The following CPNE8 variants were observed in gnomAD, a reference collection of about 807,000 sequenced individuals.
CPNE8 encodes the protein copine-8.
A neutral mutation model predicts 81.5 loss-of-function variants in CPNE8; 45 were observed. That is an observed-to-expected ratio of 0.55 (90% CI 0.44 to 0.71). CPNE8 has a LOEUF of 0.71. CPNE8 is among the 30% of genes least tolerant of loss of function. The pLI is 0.00. For synonymous variants in CPNE8, 252 were observed against 226.3 expected, an observed-to-expected ratio of 1.11 and a Z score of -1.02; for missense variants, 594 against 672.1, an observed-to-expected ratio of 0.88 and a Z score of 1.28.
In CPNE8 at chr12:38,703,949, G is replaced by A. The variant is rs111727095; in HGVS notation, c.915-1028C>T. On this transcript the variant is annotated intron_variant, in intron 13 of 19. Transcript: ENST00000331366. ...AAAGAATAAAGTCATGCCCTTTGCA[G>A]CCAACTTGGATATAGCTGGAGGCCG... 8.8e-4 allele frequency among the ~76,000 whole-genome samples: 134 copies of A among 152,264 alleles called. 1 individual carries two copies. The highest frequency in any genetic ancestry group is 2.6e-3 in the African/African-American group (110 of 41,560).
chr12:38,814,990 T>G (rs1322547795), intron 6 of CPNE8, among the ~76,000 whole-genome samples: 1 of 152,240 alleles, frequency 6.6e-6, no homozygotes, highest in African/African-American at 2.4e-5. Context: ...TGATACTTTC[T>G]GCTTTGGTCA....
intron 10 of CPNE8, among the ~76,000 whole-genome samples, chr12:38,743,076 T>A (rs1264836390): frequency 6.6e-6 from 1 of 152,078 alleles, no homozygotes; most frequent in African/African-American, 2.4e-5. Flanking sequence ...ACAATTTAAC[T>A]GAAAATCTAA....
intron 16 of CPNE8, among the ~76,000 whole-genome samples, chr12:38,684,954 T>C (rs1939499432): frequency 6.6e-6 from 1 of 152,170 alleles, no homozygotes; most frequent in Non-Finnish European, 1.5e-5. Context: ...CTTGGAGTAA[T>C]AAGCAATTAT....
At chr12:38,677,326 A>C in intron 17 of CPNE8, 126 bp downstream of exon 17, 1 of 622,424 alleles carries the variant, frequency 1.6e-6, no homozygotes, top group Non-Finnish European at 2.9e-6. Context: ...GATAAGGTTA[A>C]GGATGCAATC....
intron 10 of CPNE8, among the ~76,000 whole-genome samples, chr12:38,746,199 A>T (rs1034283807): frequency 1.3e-5 from 2 of 152,210 alleles, no homozygotes; most frequent in Non-Finnish European, 2.9e-5. Flanking sequence ...ATTAAAAAAA[A>T]ACCCTTTTGA....
rs961306813 is a variant in CPNE8, at chr12:38,652,855, T to C, written c.*1027A>G. 1 of 152,658 alleles carries C rather than the reference T, an allele frequency of 6.6e-6. No individual in the cohort carries two copies. Among genetic ancestry groups the C allele is most frequent in the African/African-American group, 2.4e-5 (1 of 41,464 alleles). 9.5% of individuals were successfully genotyped at this position (152,658 alleles called of 1,614,324 possible). A position where few individuals can be genotyped will look rare whatever the true frequency, so the allele number is the denominator to read the frequency against. ...GTGCACTAAGTCACATAGTTGTATA[T>C]ATTTAACTGGGAATTTCACAAAAGA... is the stretch of plus-strand genomic sequence containing the variant. On this transcript the variant is annotated 3_prime_UTR_variant, in exon 20 of 20. Transcript: ENST00000331366.
intron 6 of CPNE8, among the ~76,000 whole-genome samples, chr12:38,805,697 A>G (rs562660803): frequency 1.2e-3 from 171 of 144,246 alleles, no homozygotes; most frequent in African/African-American, 4.0e-3. Context: ...AAAAAGAACT[A>G]GAAAAGCAAG....
At chr12:38,785,025 T>A (rs1942147305) in intron 6 of CPNE8, among the ~76,000 whole-genome samples, 1 of 151,852 alleles carries the variant, frequency 6.6e-6, no homozygotes, top group Non-Finnish European at 1.5e-5. Context: ...TGAAACCCCG[T>A]CTCTACTAAA....
chr12:38,870,554 A>G (rs901079354), intron 3 of CPNE8, among the ~76,000 whole-genome samples: 2 of 152,228 alleles, frequency 1.3e-5, no homozygotes, highest in African/African-American at 4.8e-5. Flanking sequence ...AGAAAACTAA[A>G]CACCACATGG....
chr12:38,865,886 G>A (rs77168396), intron 3 of CPNE8, among the ~76,000 whole-genome samples: 1 of 152,204 alleles, frequency 6.6e-6, no homozygotes, highest in Non-Finnish European at 1.5e-5. Flanking sequence ...GATATGCACA[G>A]AGCTAATAGA....
chr12:38,735,935 T>C (rs937961434), intron 10 of CPNE8, among the ~76,000 whole-genome samples: 88 of 151,980 alleles, frequency 5.8e-4, no homozygotes, highest in African/African-American at 2.0e-3. Flanking sequence ...GTAGAAGTGA[T>C]CATTTATCTC....
chr12:38,845,927 C>T (rs954612637), intron 4 of CPNE8, among the ~76,000 whole-genome samples: 2 of 152,094 alleles, frequency 1.3e-5, no homozygotes, highest in African/African-American at 2.4e-5. Context: ...CTGAAACTAA[C>T]AAAATACATG....
intron 19 of CPNE8, among the ~76,000 whole-genome samples, chr12:38,669,950 T>C (rs1939135900): frequency 6.6e-6 from 1 of 152,112 alleles, no homozygotes; most frequent in Non-Finnish European, 1.5e-5. Flanking sequence ...AAGCCTCTGA[T>C]AAACTCTCCC....
At chr12:38,826,119 A>C (rs1943186897) in intron 6 of CPNE8, among the ~76,000 whole-genome samples, 1 of 152,148 alleles carries the variant, frequency 6.6e-6, no homozygotes. Flanking sequence ...CTTAGTACTA[A>C]AACTTGCCTA....
At chr12:38,723,874 G>T in intron 12 of CPNE8, 41 bp from the exon 13 acceptor site, 2 of 1,149,752 alleles carry the variant, frequency 1.7e-6, no homozygotes, top group South Asian at 1.3e-5. Flanking sequence ...AGTTGTTTGT[G>T]ACCCCAAATA....
At chr12:38,821,324 C>T (rs1294496047) in intron 6 of CPNE8, among the ~76,000 whole-genome samples, 3 of 152,128 alleles carry the variant, frequency 2.0e-5, no homozygotes, top group Non-Finnish European at 4.4e-5. Context: ...GATCCATAAT[C>T]AATTCCTAGT....
chr12:38,897,913 T>C (rs1393138071), intron 1 of CPNE8, among the ~76,000 whole-genome samples: 2 of 152,152 alleles, frequency 1.3e-5, no homozygotes, highest in Non-Finnish European at 2.9e-5. Context: ...TTATCCCCAC[T>C]TTACAGATGA....
chr12:38,765,890 C>A (rs1228678139), intron 8 of CPNE8, among the ~76,000 whole-genome samples: 2 of 150,586 alleles, frequency 1.3e-5, no homozygotes, highest in Non-Finnish European at 1.5e-5. Flanking sequence ...TGGAGTTTCA[C>A]TCTTTTTGCC....
chr12:38,704,872 C>T lies in CPNE8; in HGVS notation c.915-1951G>A, dbSNP rs183912013. Among the ~76,000 whole-genome samples the T allele has an allele frequency of 4.4e-3, 306 of 69,666 alleles. 8 individuals are homozygous for T. Among genetic ancestry groups the T allele is most frequent in the African/African-American group, 0.015 (273 of 18,656 alleles). The allele number at this position is 69,666 out of a possible 152,430, so 45.7% of individuals were successfully genotyped here. ...TATATATATATATATATTTAAATTT[C>T]GGCACATGGTTGTTACCCAAACTTA... is the stretch of plus-strand genomic sequence containing the variant. On this transcript the variant is annotated intron_variant, in intron 13 of 19. Transcript: ENST00000331366.
Sources: allele counts gnomAD v4.1 joint callset (sites outside exome capture counted in the v4.1 genomes callset), GRCh38; gene constraint gnomAD v4.1.1; transcripts MANE v1.5; gene names NCBI Gene and HGNC (gene_info 2026-07-23, HGNC 2026-07-21).